Variants in CHRM3 observed in about 807,000 individuals in gnomAD.
The protein encoded by CHRM3 is muscarinic acetylcholine receptor M3.
A neutral mutation model predicts 41.8 loss-of-function variants in CHRM3; 11 were observed. That is an observed-to-expected ratio of 0.26 (90% CI 0.17 to 0.44). The LOEUF (loss-of-function observed/expected upper bound fraction) is 0.44. Ranked by LOEUF, CHRM3 falls within the 20% of genes least tolerant of loss-of-function variation. The pLI, the probability that CHRM3 is intolerant of heterozygous loss-of-function variation, is 1.00. For missense variants in CHRM3, 571 were observed against 745.4 expected (o/e 0.77, Z 2.72); for synonymous variants, 297 against 301.4 (o/e 0.99, Z 0.15).
At chr1:239,678,015 T>C (rs546386361) in intron 4 of CHRM3, among the ~76,000 whole-genome samples, 171 bp from the exon 5 acceptor site, 1 of 152,344 alleles carries the variant, frequency 6.6e-6, no homozygotes, top group East Asian at 1.9e-4. Flanking sequence ...ACAGGTGTCA[T>C]AGAATAAAAT....
At chr1:239,645,283 C>G (rs1373337556) in intron 4 of CHRM3, among the ~76,000 whole-genome samples, 1 of 152,216 alleles carries the variant, frequency 6.6e-6, no homozygotes, top group African/African-American at 2.4e-5. Flanking sequence ...ACTGGCTTCT[C>G]TCTTGAACAC....
At chr1:239,602,110 G>GTGTGTGTGTATATATATATA (rs1307023039) in intron 3 of CHRM3, among the ~76,000 whole-genome samples, 1 of 112,860 alleles carries the variant, frequency 8.9e-6, no homozygotes, top group African/African-American at 3.4e-5. Context: ...GTGTGTGTGT[G>GTGTGTGTGTATATATATATA]TATATATATA....
intron 1 of CHRM3, among the ~76,000 whole-genome samples, chr1:239,434,065 T>C (rs544107650): frequency 6.6e-6 from 1 of 152,316 alleles, no homozygotes; most frequent in Admixed American, 6.5e-5. Flanking sequence ...GTTCAACACA[T>C]GCAATTAATT....
chr1:239,664,673 G>T (rs1191607404), intron 4 of CHRM3, among the ~76,000 whole-genome samples: 1 of 152,022 alleles, frequency 6.6e-6, no homozygotes, highest in Non-Finnish European at 1.5e-5. Context: ...CCCTCTCTGG[G>T]ACTCTAGCCC....
chr1:239,422,672 G>A lies in CHRM3; in HGVS notation c.-521+35445G>A, dbSNP rs574578704. ...TAGCCAGGCATGGTGGCGTGTGCCT[G>A]TAGTCCCAGCTACTCAGGAGGCTGA... On this transcript the variant is annotated intron_variant, in intron 1 of 6. Transcript: ENST00000676153. Among the ~76,000 whole-genome samples the A allele has an allele frequency of 2.6e-5, 4 of 152,024 alleles. No individual in the cohort carries two copies. The East Asian group carries it at 7.8e-4, about 30-fold the overall frequency.
At chr1:239,877,087 T>C (rs1013746807) in intron 6 of CHRM3, among the ~76,000 whole-genome samples, 7 of 152,214 alleles carry the variant, frequency 4.6e-5, no homozygotes, top group Non-Finnish European at 7.3e-5. Context: ...TCTCTCTCTT[T>C]TTCTGAAACC....
chr1:239,443,296 C>T (rs1663869157), intron 1 of CHRM3, among the ~76,000 whole-genome samples: 1 of 152,100 alleles, frequency 6.6e-6, no homozygotes, highest in Non-Finnish European at 1.5e-5. Flanking sequence ...ATTTGTCTTT[C>T]GTCATAGAGT....
At chr1:239,653,218 G>A (rs1018456266) in intron 4 of CHRM3, among the ~76,000 whole-genome samples, 4 of 152,122 alleles carry the variant, frequency 2.6e-5, no homozygotes, top group Admixed American at 6.6e-5. Flanking sequence ...GAGGCATCAC[G>A]AGTAAGGGGG....
At chr1:239,493,868 C>T (rs915688235) in intron 2 of CHRM3, among the ~76,000 whole-genome samples, 7 of 152,108 alleles carry the variant, frequency 4.6e-5, no homozygotes, top group Admixed American at 3.9e-4. Context: ...AAAATTGGGG[C>T]TTAGCCCAGG....
chr1:239,411,448 C>T (rs1008069661), intron 1 of CHRM3, among the ~76,000 whole-genome samples: 3 of 152,000 alleles, frequency 2.0e-5, no homozygotes, highest in Non-Finnish European at 2.9e-5. Flanking sequence ...AGTTGTGGAC[C>T]GGGCGTGGTG....
intron 5 of CHRM3, among the ~76,000 whole-genome samples, chr1:239,751,135 G>T (rs576220780): frequency 6.6e-6 from 1 of 152,106 alleles, no homozygotes; most frequent in African/African-American, 2.4e-5. Context: ...CTACTCAGGA[G>T]GCTGAGGCAG....
At chr1:239,689,734 C>G (rs1210636051) in intron 5 of CHRM3, among the ~76,000 whole-genome samples, 1 of 152,098 alleles carries the variant, frequency 6.6e-6, no homozygotes, top group Non-Finnish European at 1.5e-5. Context: ...AACGGAAAAG[C>G]CTGTGCCTTT....
chr1:239,433,402 A>G (rs1429097649), intron 1 of CHRM3, among the ~76,000 whole-genome samples: 1 of 152,126 alleles, frequency 6.6e-6, no homozygotes, highest in Non-Finnish European at 1.5e-5. Context: ...CTTTTCTTCT[A>G]TAGCATCTCT....
chr1:239,846,089 C>A (rs1176221116), intron 6 of CHRM3, among the ~76,000 whole-genome samples: 1 of 147,318 alleles, frequency 6.8e-6, no homozygotes, highest in Non-Finnish European at 1.5e-5. Context: ...AAACTTACAA[C>A]TTTTTTTTTT....
chr1:239,478,486 A>G (rs924642328), intron 1 of CHRM3, among the ~76,000 whole-genome samples: 1 of 152,222 alleles, frequency 6.6e-6, no homozygotes, highest in Non-Finnish European at 1.5e-5. Flanking sequence ...AATTTAAATA[A>G]CTATAATAAA....
intron 6 of CHRM3, chr1:239,886,178 C>T (rs1678050216): frequency 6.6e-6 from 1 of 152,136 alleles, no homozygotes; most frequent in East Asian, 1.9e-4. Context: ...AACTGAGCGT[C>T]GAACCTCATT....
intron 4 of CHRM3, among the ~76,000 whole-genome samples, chr1:239,634,593 G>T (rs1237171310): frequency 6.6e-6 from 1 of 150,716 alleles, no homozygotes; most frequent in Admixed American, 6.6e-5. Flanking sequence ...TCAAAATATG[G>T]TCACCAAAAC....
At chr1:239,844,807 C>T (rs937652111) in intron 6 of CHRM3, among the ~76,000 whole-genome samples, 1 of 152,150 alleles carries the variant, frequency 6.6e-6, no homozygotes, top group Non-Finnish European at 1.5e-5. Context: ...CAGTTAGTCA[C>T]CCCTTATGCA....
chr1:239,712,100 GAGA>G (rs2148230876), intron 5 of CHRM3, among the ~76,000 whole-genome samples: 1 of 152,244 alleles, frequency 6.6e-6, no homozygotes, highest in African/African-American at 2.4e-5. Context: ...TACCCAAAAA[GAGA>G]AGGTTATTTT....
Sources: gnomAD v4.1 joint callset for allele counts (sites outside exome capture counted in the v4.1 genomes callset) on GRCh38, gnomAD v4.1.1 for gene constraint, MANE v1.5 for transcripts, NCBI Gene and HGNC (gene_info 2026-07-23, HGNC 2026-07-21) for gene names.